ZFP3: variants seen among roughly 807,000 people sequenced by gnomAD.
ZFP3 encodes the protein ZFP3 zinc finger protein.
A neutral mutation model predicts 36.7 loss-of-function variants in ZFP3; 18 were observed. The observed-to-expected ratio is 0.49, with a 90% confidence interval of 0.34 to 0.73. The LOEUF (loss-of-function observed/expected upper bound fraction) is 0.73, where lower values mean the gene tolerates loss of function less well. Among genes scored for constraint, ZFP3 ranks in the 30% least tolerant of loss-of-function variants. ZFP3 has a pLI of 0.01. For synonymous variants in ZFP3, 218 were observed against 199.0 expected (o/e 1.10, Z -0.81); for missense variants, 495 against 599.0 (o/e 0.83, Z 1.81).
chr17:5,082,074 A>G (rs986328670), intron 1 of ZFP3, among the ~76,000 whole-genome samples: 5 of 150,684 alleles, frequency 3.3e-5, no homozygotes, highest in Non-Finnish European at 3.0e-5. Context: ...CAGGCTGGGC[A>G]CGGTGCCTCA....
chr17:5,081,779 T>G (rs961580505), intron 1 of ZFP3, among the ~76,000 whole-genome samples: 10 of 151,392 alleles, frequency 6.6e-5, no homozygotes, highest in African/African-American at 2.4e-4. Context: ...TTTTTTGTGT[T>G]TTTAGTAGAG....
chr17:5,082,246 C>G (rs1460713305), intron 1 of ZFP3, among the ~76,000 whole-genome samples: 3 of 151,820 alleles, frequency 2.0e-5, no homozygotes, highest in Admixed American at 2.0e-4. Context: ...ACTAGGGAGG[C>G]TGAGGCAGGA....
chr17:5,081,093 C>CTTTT (rs71367880), intron 1 of ZFP3, among the ~76,000 whole-genome samples: 1 of 141,634 alleles, frequency 7.1e-6, no homozygotes. Context: ...TGTTTCTGTT[C>CTTTT]TTTTTTTTTT....
intron 1 of ZFP3, among the ~76,000 whole-genome samples, chr17:5,090,756 C>T (rs1175173371): frequency 2.6e-5 from 4 of 152,104 alleles, no homozygotes; most frequent in Admixed American, 6.5e-5. Context: ...TTGCAACCTC[C>T]GCCTCCCTGG....
chr17:5,083,998 C>T (rs2072107674), intron 1 of ZFP3, among the ~76,000 whole-genome samples: 3 of 151,974 alleles, frequency 2.0e-5, no homozygotes, highest in Admixed American at 1.3e-4. Context: ...TCCCGAGTAG[C>T]TGGGATTATA....
intron 1 of ZFP3, among the ~76,000 whole-genome samples, chr17:5,082,923 CA>C (rs2072101738): frequency 6.6e-6 from 1 of 152,114 alleles, no homozygotes; most frequent in South Asian, 2.1e-4. Context: ...CAGATAAGTT[CA>C]AAAAGTTGTG....
intron 1 of ZFP3, among the ~76,000 whole-genome samples, chr17:5,086,689 T>C (rs2072122727): frequency 6.6e-6 from 1 of 151,790 alleles, no homozygotes; most frequent in African/African-American, 2.4e-5. Context: ...ACAGTTCATA[T>C]GTGACTATCT....
At chr17:5,082,216 G>A (rs1341641944) in intron 1 of ZFP3, among the ~76,000 whole-genome samples, 1 of 151,776 alleles carries the variant, frequency 6.6e-6, no homozygotes, top group Non-Finnish European at 1.5e-5. Flanking sequence ...GCCTGGTGGT[G>A]GGCGTGTGTA....
rs1210848974 is a variant in ZFP3 at position 5,093,315 on chromosome 17, C to T, written c.*302C>T. Reference sequence around the variant, plus strand: ...GCCTCAGCCTTCCAAATAGCTAGGACTGCAGGCACTAATGAGGCACTTTTA... The same window carrying T: ...GCCTCAGCCTTCCAAATAGCTAGGATTGCAGGCACTAATGAGGCACTTTTA... On this transcript the variant is annotated 3_prime_UTR_variant, in exon 2 of 2. Transcript: ENST00000318833. The T allele has an allele frequency of 3.3e-6, 1 of 299,444 alleles. No individual in the cohort carries two copies. The highest frequency in any genetic ancestry group is 2.2e-5 in the African/African-American group (1 of 45,736). 18.5% of individuals were successfully genotyped at this position (299,444 alleles called of 1,614,324 possible).
chr17:5,092,159 C>A lies in ZFP3; in HGVS notation c.655C>A (p.His219Asn). 3 of 1,614,172 alleles carry A rather than the reference C, an allele frequency of 1.9e-6. No individual in the cohort carries two copies. Among genetic ancestry groups the A allele is most frequent in the Non-Finnish European group, 2.5e-6 (3 of 1,180,036 alleles). The change falls in exon 2 of 2, where the codon CAT (histidine) becomes AAT (asparagine). Residue 219 changes from histidine (H) to asparagine (N), a missense_variant. Transcript: ENST00000318833. This position sits in a 1 kb window ranked among gnomAD's most constrained non-coding sequence, Gnocchi z 5.0. ...SSHLIHHHRI[H>N]TGERPYKCEE... ...ACACCTTATTCACCATCATAGAATTCATACTGGAGAGAGACCCTATAAATG... is the reference window on the plus strand; with the variant it reads ...ACACCTTATTCACCATCATAGAATTAATACTGGAGAGAGACCCTATAAATG...
In ZFP3 at chr17:5,092,602, A is replaced by G. The variant is rs747914539; in HGVS notation, c.1098A>G (p.Val366=). The G allele has an allele frequency of 5.0e-6, 8 of 1,614,006 alleles. No homozygotes were observed. Among genetic ancestry groups the G allele is most frequent in the Non-Finnish European group, 6.8e-6 (8 of 1,179,986 alleles). ...IRIHTGEKPY[V]CKECGKAFRG... ...TTCATACTGGTGAGAAGCCCTATGT[A>G]TGTAAGGAATGTGGGAAGGCCTTCA... The change falls in exon 2 of 2, where the codon GTA becomes GTG. Residue 366 remains valine (V), a synonymous_variant. Transcript: ENST00000318833. This position sits in a 1 kb window ranked among gnomAD's most constrained non-coding sequence, Gnocchi z 5.0.
chr17:5,082,755 C>T (rs901095129), intron 1 of ZFP3, among the ~76,000 whole-genome samples: 1 of 152,156 alleles, frequency 6.6e-6, no homozygotes, highest in Non-Finnish European at 1.5e-5. Context: ...GTCTCAAACT[C>T]CTGGGCTTAA....
chr17:5,093,750 T>A lies in ZFP3; in HGVS notation c.*737T>A, dbSNP rs1477187728. 6.0e-6 allele frequency: 1 copy of A among 167,106 alleles called. No individual in the cohort carries two copies. Among genetic ancestry groups the A allele is most frequent in the Non-Finnish European group, 1.5e-5 (1 of 68,136 alleles). The allele number at this position is 167,106 out of a possible 1,614,324, so 10.4% of individuals were successfully genotyped here. ...CTCATTTCACATCTGTCAGGCTTCC[T>A]TATTCATCTGAAGAGGCTGCCATGA... On this transcript the variant is annotated 3_prime_UTR_variant, in exon 2 of 2. Coordinates refer to ENST00000318833, the MANE Select transcript of ZFP3 (RefSeq NM_153018.3).
At chr17:5,088,381 C>T (rs954993065) in intron 1 of ZFP3, among the ~76,000 whole-genome samples, 1 of 152,190 alleles carries the variant, frequency 6.6e-6, no homozygotes, top group Admixed American at 6.5e-5. Context: ...TTCCTCCCCA[C>T]TGCTACTAGT....
chr17:5,093,144 T>TTA lies in ZFP3; in HGVS notation c.*132_*133insAT. 1 of 1,004,640 alleles carries TTA rather than the reference T, an allele frequency of 1.0e-6. No homozygotes were observed. Among genetic ancestry groups the TTA allele is most frequent in the Non-Finnish European group, 1.4e-6 (1 of 717,116 alleles). The allele number at this position is 1,004,640 out of a possible 1,614,324, so 62.2% of individuals were successfully genotyped here. ...AGAACCTCCTCTGTCCTCCCACTGA[T>TTA]TTTAAATAGTTGGTTGAAGAAGATG... is the stretch of plus-strand genomic sequence containing the variant. On this transcript the variant is annotated 3_prime_UTR_variant, in exon 2 of 2. Transcript: ENST00000318833.
At position 5,091,692 on chromosome 17, in the gene ZFP3, C is replaced by G; in HGVS notation, c.188C>G (p.Ser63Cys). The change falls in exon 2 of 2, where the codon TCT becomes TGT. Residue 63 changes from serine to cysteine, a missense_variant. By Grantham distance (112) the Ser-to-Cys change is moderately radical. This residue lies in a region of ZFP3 where 229 missense variants were observed against 233.8 expected (regional missense o/e 0.98). Coordinates refer to ENST00000318833, the MANE Select transcript of ZFP3 (RefSeq NM_153018.3). The part of the protein sequence containing the change: ...ESMEEVIEQM[S>C]PQERDFPSGL... ...ATGGAAGAGGTTATAGAGCAGATGT[C>G]TCCTCAGGAGAGAGACTTTCCATCA... The G allele has an allele frequency of 6.2e-7, 1 of 1,614,166 alleles. No homozygotes were observed. Among genetic ancestry groups the G allele is most frequent in the Non-Finnish European group, 8.5e-7 (1 of 1,180,036 alleles).
At chr17:5,080,928 G>C (rs1193800265) in intron 1 of ZFP3, among the ~76,000 whole-genome samples, 1 of 152,090 alleles carries the variant, frequency 6.6e-6, no homozygotes, top group African/African-American at 2.4e-5. Context: ...CTTGTTTCAT[G>C]AGGTGGTGGT....
Position 5,093,268 on chromosome 17 carries a change from C to A in ZFP3, c.*255C>A, listed in dbSNP as rs1597908226. On this transcript the variant is annotated 3_prime_UTR_variant, in exon 2 of 2. Coordinates refer to ENST00000318833, the MANE Select transcript of ZFP3 (RefSeq NM_153018.3). ...TCGTAACTCACTGCTTCCTTGAACT[C>A]CTGGGCTCAAACAGTCCTCCTGCCT... is the stretch of plus-strand genomic sequence containing the variant. 2.5e-5 allele frequency: 10 copies of A among 393,148 alleles called. No individual in the cohort carries two copies. The South Asian group carries it at 4.8e-4, about 19-fold the overall frequency. 24.4% of individuals were successfully genotyped at this position (393,148 alleles called of 1,614,324 possible).
In ZFP3 at chr17:5,092,952, A is replaced by G; in HGVS notation, c.1448A>G (p.Gln483Arg). Residue 483 changes from glutamine to arginine, a missense_variant, in exon 2 of 2, where the codon CAG becomes CGG. Physicochemically the swap from Gln to Arg is conservative, Grantham distance 43. This residue lies in a region of ZFP3 where 163 missense variants were observed against 178.4 expected (regional missense o/e 0.91). Coordinates refer to ENST00000318833, the MANE Select transcript of ZFP3 (RefSeq NM_153018.3). This position sits in a 1 kb window ranked among gnomAD's most constrained non-coding sequence, Gnocchi z 5.0. ...GEKPYECQEC[Q>R]KTFSRSSHLL... The stretch of plus-strand genomic sequence containing the variant: ...AAGCCTTATGAGTGCCAAGAATGTC[A>G]GAAGACTTTTAGTCGGAGCTCTCAC... The G allele has an allele frequency of 6.2e-7, 1 of 1,613,518 alleles. No individual in the cohort carries two copies. Among genetic ancestry groups the G allele is most frequent in the South Asian group, 1.1e-5 (1 of 90,936 alleles).
Sources: allele counts gnomAD v4.1 joint callset (sites outside exome capture counted in the v4.1 genomes callset), GRCh38; gene constraint gnomAD v4.1.1; regional missense constraint gnomAD v4.1.1; non-coding constraint Gnocchi (gnomAD v3.1); transcripts MANE v1.5; gene names NCBI Gene and HGNC (gene_info 2026-07-23, HGNC 2026-07-21).